Variants in COL25A1 observed in about 807,000 individuals in gnomAD.
COL25A1 encodes collagen alpha-1(XXV) chain.
COL25A1 carries 103 observed loss-of-function variants against 128.4 expected under a neutral mutation model. That is an observed-to-expected ratio of 0.80 (90% confidence interval 0.68 to 0.94). The LOEUF (loss-of-function observed/expected upper bound fraction) is 0.94, where lower values mean the gene tolerates loss of function less well. COL25A1 is among the 40% of genes least tolerant of loss of function. The probability of loss-of-function intolerance (pLI) is 0.00; values close to 1 mark genes in which losing one functional copy is unlikely to be tolerated. For synonymous variants in COL25A1, 279 were observed against 277.2 expected (o/e 1.01, Z -0.06); for missense variants, 745 against 840.0 (o/e 0.89, Z 1.40).
At chr4:108,965,429 A>G (rs1033263282) in intron 8 of COL25A1, among the ~76,000 whole-genome samples, 1 of 152,238 alleles carries the variant, frequency 6.6e-6, no homozygotes, top group African/African-American at 2.4e-5. Flanking sequence ...ATCAAAAGAT[A>G]ACTTCATGAC....
chr4:109,129,722 A>T (rs1768986787), intron 3 of COL25A1, among the ~76,000 whole-genome samples: 1 of 152,186 alleles, frequency 6.6e-6, no homozygotes, highest in South Asian at 2.1e-4. Context: ...CTTTCTGGCA[A>T]CCAATGTGGC....
chr4:108,998,751 T>G (rs1375864469), intron 6 of COL25A1, among the ~76,000 whole-genome samples: 1 of 152,192 alleles, frequency 6.6e-6, no homozygotes, highest in Non-Finnish European at 1.5e-5. Context: ...AGCATGGTAC[T>G]GGTACCAAAA....
At chr4:109,122,056 T>C (rs1170977144) in intron 3 of COL25A1, among the ~76,000 whole-genome samples, 1 of 152,050 alleles carries the variant, frequency 6.6e-6, no homozygotes, top group Non-Finnish European at 1.5e-5. Context: ...TCCAGCTATA[T>C]GATATTCTGA....
At chr4:108,864,991 C>T (rs1156346042) in intron 20 of COL25A1, among the ~76,000 whole-genome samples, 1 of 152,220 alleles carries the variant, frequency 6.6e-6, no homozygotes, top group Non-Finnish European at 1.5e-5. Flanking sequence ...ATCTTTTGCA[C>T]ATCGTTGATC....
intron 11 of COL25A1, among the ~76,000 whole-genome samples, chr4:108,929,396 T>C (rs1419649860): frequency 1.3e-5 from 2 of 151,972 alleles, no homozygotes; most frequent in Admixed American, 1.3e-4. Context: ...AGTGCTGGGA[T>C]TGCAGGCATG....
At chr4:108,906,941 G>A (rs1161666684) in intron 13 of COL25A1, among the ~76,000 whole-genome samples, 2 of 152,210 alleles carry the variant, frequency 1.3e-5, no homozygotes, top group African/African-American at 2.4e-5. Flanking sequence ...GGTAGAAAAC[G>A]AGACAGCAAG....
At chr4:109,137,982 A>ATGTGTG (rs1418865784) in intron 3 of COL25A1, among the ~76,000 whole-genome samples, 2 of 60,760 alleles carry the variant, frequency 3.3e-5, no homozygotes, top group African/African-American at 7.8e-5. Flanking sequence ...TTTTATATAT[A>ATGTGTG]TATGTGTGTG....
chr4:109,110,795 A>C (rs1192865847), intron 3 of COL25A1, among the ~76,000 whole-genome samples: 1 of 152,154 alleles, frequency 6.6e-6, no homozygotes, highest in Non-Finnish European at 1.5e-5. Flanking sequence ...ATAAGTTTCC[A>C]AAGCCCATCA....
In COL25A1 at chr4:108,848,759, C is replaced by T; in HGVS notation, c.1434G>A (p.Gln478=). 1 of 1,592,480 alleles carries T rather than the reference C, an allele frequency of 6.3e-7. No individual in the cohort carries two copies. The highest frequency in any genetic ancestry group is 8.6e-7 in the Non-Finnish European group (1 of 1,160,628). ...SPGIPGMDGE[Q]GLKGSKGDMG... Reference sequence around the variant, plus strand: ...AATAGTATACATCTTTGAAAATTACCTGCTCTCCATCCATTCCTGGGATTC... The same window carrying T: ...AATAGTATACATCTTTGAAAATTACTTGCTCTCCATCCATTCCTGGGATTC... The change falls in exon 27 of 38, where the codon CAG becomes CAA. Residue 478 remains glutamine (Q), a splice_region_variant and synonymous_variant. Coordinates refer to ENST00000399132, the MANE Select transcript of COL25A1 (RefSeq NM_198721.4).
At chr4:109,017,297 G>A (rs777408524) in intron 5 of COL25A1, among the ~76,000 whole-genome samples, 37 of 152,334 alleles carry the variant, frequency 2.4e-4, no homozygotes, top group African/African-American at 7.7e-4. Flanking sequence ...ATCATTTGGC[G>A]TCTGGCTCAC....
At chr4:109,224,645 A>C (rs1200525718) in intron 3 of COL25A1, among the ~76,000 whole-genome samples, 1 of 152,180 alleles carries the variant, frequency 6.6e-6, no homozygotes, top group Non-Finnish European at 1.5e-5. Flanking sequence ...GTACCTTAAA[A>C]ATACAAATGC....
At chr4:109,035,630 T>C (rs1346685140) in intron 5 of COL25A1, among the ~76,000 whole-genome samples, 5 of 152,140 alleles carry the variant, frequency 3.3e-5, no homozygotes, top group Non-Finnish European at 5.9e-5. Context: ...AAATAAAAGC[T>C]TCTCCTTCTC....
At chr4:108,861,502 A>C (rs1737221340) in intron 22 of COL25A1, among the ~76,000 whole-genome samples, 1 of 152,194 alleles carries the variant, frequency 6.6e-6, no homozygotes, top group Non-Finnish European at 1.5e-5. Context: ...CTGTAGGTAT[A>C]GGCATTTTAA....
intron 8 of COL25A1, among the ~76,000 whole-genome samples, chr4:108,962,638 C>A (rs575230165): frequency 4.6e-5 from 7 of 152,064 alleles, no homozygotes; most frequent in African/African-American, 1.4e-4. Flanking sequence ...CAACCAGATT[C>A]GTGCTAAATT....
intron 3 of COL25A1, among the ~76,000 whole-genome samples, chr4:109,101,846 A>C (rs1211713589): frequency 6.6e-6 from 1 of 152,160 alleles, no homozygotes; most frequent in Non-Finnish European, 1.5e-5. Context: ...TCCTGAACTT[A>C]CTGAGCTACA....
chr4:109,092,937 A>T (rs1765045865), intron 3 of COL25A1, among the ~76,000 whole-genome samples: 1 of 152,100 alleles, frequency 6.6e-6, no homozygotes, highest in South Asian at 2.1e-4. Flanking sequence ...TTCATAGGAG[A>T]TTGTGAAGAT....
At position 109,191,286 on chromosome 4, in the gene COL25A1, CAAG is replaced by C. The variant is rs199604867; in HGVS notation, c.367+109294_367+109296del. On this transcript the variant is annotated intron_variant, in intron 3 of 37. Coordinates refer to ENST00000399132, the MANE Select transcript of COL25A1 (RefSeq NM_198721.4). Reference sequence around the variant, plus strand: ...GGAAAAATACGTTCTTGTGGGAAATCAAGAAGGACAATGCACAAGAGAGGAGGG... The same window carrying C: ...GGAAAAATACGTTCTTGTGGGAAATCAAGGACAATGCACAAGAGAGGAGGG... Among the ~76,000 whole-genome samples the C allele has an allele frequency of 6.2e-3, 951 of 152,212 alleles. 8 individuals carry two copies. The highest frequency in any genetic ancestry group is 0.011 in the Non-Finnish European group (721 of 67,994).
chr4:109,012,409 G>A (rs1206243390), intron 5 of COL25A1, among the ~76,000 whole-genome samples: 1 of 106,228 alleles, frequency 9.4e-6, no homozygotes, highest in African/African-American at 6.2e-5. Context: ...ACTGCACTGT[G>A]GGAGCCCCTG....
chr4:109,224,343 A>G (rs987733054), intron 3 of COL25A1, among the ~76,000 whole-genome samples: 1 of 152,182 alleles, frequency 6.6e-6, no homozygotes, highest in African/African-American at 2.4e-5. Context: ...GGCCTTGGAG[A>G]GAAACCACAC....
Sources: gnomAD v4.1 joint callset for allele counts (sites outside exome capture counted in the v4.1 genomes callset) on GRCh38, gnomAD v4.1.1 for gene constraint, MANE v1.5 for transcripts, NCBI Gene and HGNC (gene_info 2026-07-23, HGNC 2026-07-21) for gene names.